RBFOX2: variants seen among roughly 807,000 people sequenced by gnomAD.
The protein encoded by RBFOX2 is RNA binding protein fox-1 homolog 2.
Under a neutral mutation model 49.1 loss-of-function variants are expected in RBFOX2, and 10 were observed. That is an observed-to-expected ratio of 0.20 (90% CI 0.13 to 0.35). The LOEUF (loss-of-function observed/expected upper bound fraction) is 0.35. Ranked by LOEUF, RBFOX2 falls within the 10% of genes least tolerant of loss-of-function variation. The pLI is 1.00. For missense variants in RBFOX2, 323 were observed against 486.9 expected (o/e 0.66, Z 3.17); for synonymous variants, 183 against 187.4 (o/e 0.98, Z 0.19).
At chr22:35,873,633 T>C (rs1014213982) in intron 1 of RBFOX2, among the ~76,000 whole-genome samples, 3 of 152,118 alleles carry the variant, frequency 2.0e-5, no homozygotes, top group Admixed American at 2.0e-4. Flanking sequence ...GTCAACTCTG[T>C]AGTTTGTTGT....
At chr22:35,750,036 C>CCTGGTATTA (rs1478182910) in intron 9 of RBFOX2, among the ~76,000 whole-genome samples, 1 of 152,152 alleles carries the variant, frequency 6.6e-6, no homozygotes, top group African/African-American at 2.4e-5. Flanking sequence ...GCCACAACGA[C>CCTGGTATTA]CTGGTATTAC....
intron 9 of RBFOX2, 127 bp from the exon 11 acceptor site, chr22:35,756,271 G>GTGTAGAGC: frequency 1.4e-6 from 1 of 719,366 alleles, no homozygotes; most frequent in South Asian, 5.9e-5. Flanking sequence ...ACATAACCTG[G>GTGTAGAGC]GCTTGGGGCC....
intron 1 of RBFOX2, among the ~76,000 whole-genome samples, chr22:35,849,546 T>C (rs2041662794): frequency 6.6e-6 from 1 of 152,110 alleles, no homozygotes; most frequent in Non-Finnish European, 1.5e-5. Flanking sequence ...TCAAACAGTA[T>C]CTAGAAATTA....
intron 1 of RBFOX2, among the ~76,000 whole-genome samples, chr22:36,019,130 T>G (rs1203101206): frequency 6.6e-6 from 1 of 152,158 alleles, no homozygotes; most frequent in Admixed American, 6.5e-5. Context: ...CATGTACCAC[T>G]AAAACAGCCA....
At chr22:35,943,413 T>G (rs1184560067), upstream of RBFOX2, among the ~76,000 whole-genome samples, 1 of 152,070 alleles carries the variant, frequency 6.6e-6, no homozygotes, top group Non-Finnish European at 1.5e-5. Flanking sequence ...ATTGGCCTAT[T>G]AAGAATGAAA....
chr22:35,894,139 A>C (rs2047563268), intron 1 of RBFOX2, among the ~76,000 whole-genome samples: 1 of 152,174 alleles, frequency 6.6e-6, no homozygotes, highest in African/African-American at 2.4e-5. Context: ...CTACAATGCT[A>C]CTATTGACGG....
intron 1 of RBFOX2, among the ~76,000 whole-genome samples, chr22:35,873,127 A>G (rs2044574540): frequency 1.3e-5 from 2 of 152,108 alleles, no homozygotes; most frequent in Non-Finnish European, 2.9e-5. Context: ...AAAATTTGTT[A>G]CTGAATTGGT....
rs180675772 is a variant in RBFOX2, at chr22:35,763,242, C to T, written c.608-1774G>A. ...ATAACCTTTTTCTTTCCTACCAATGCCACTATTGCCTGAGCATTCCCTTTA... is the reference window on the plus strand; with the variant it reads ...ATAACCTTTTTCTTTCCTACCAATGTCACTATTGCCTGAGCATTCCCTTTA... On this transcript the variant is annotated intron_variant, in intron 6 of 11. Transcript: ENST00000405409. Among the ~76,000 whole-genome samples, 12 of 152,260 alleles carry T rather than the reference C, an allele frequency of 7.9e-5. No homozygotes were observed. The East Asian group carries it at 1.7e-3, about 22-fold the overall frequency.
At chr22:35,944,408 A>G (rs552523572) in intron 1 of RBFOX2, among the ~76,000 whole-genome samples, 24 of 152,330 alleles carry the variant, frequency 1.6e-4, no homozygotes, top group Non-Finnish European at 2.4e-4. Flanking sequence ...ATTTTCCCAG[A>G]AAGAATACTG....
At chr22:35,898,441 T>TTC in intron 1 of RBFOX2, 1 of 442,034 alleles carries the variant, frequency 2.3e-6, no homozygotes, top group South Asian at 2.2e-5. Flanking sequence ...TTTTTTTTTT[T>TTC]CTGAGACAGG....
intron 1 of RBFOX2, among the ~76,000 whole-genome samples, chr22:35,951,875 A>AT (rs2054984445): frequency 6.6e-6 from 1 of 152,146 alleles, no homozygotes; most frequent in South Asian, 2.1e-4. Context: ...CTAAGAACAT[A>AT]TTTTTTAAAG....
At chr22:35,957,302 T>G (rs189792247) in intron 1 of RBFOX2, among the ~76,000 whole-genome samples, 259 of 152,228 alleles carry the variant, frequency 1.7e-3, no homozygotes, top group East Asian at 4.4e-3. Flanking sequence ...ACAATAATAA[T>G]AAGAAGAAAC....
chr22:35,915,614 C>G (rs1408341978), intron 1 of RBFOX2, among the ~76,000 whole-genome samples: 1 of 152,088 alleles, frequency 6.6e-6, no homozygotes, highest in Non-Finnish European at 1.5e-5. Flanking sequence ...TTTAAAGTCC[C>G]AATTATGTAA....
chr22:35,988,042 T>C (rs1223967507), intron 1 of RBFOX2, among the ~76,000 whole-genome samples: 1 of 152,178 alleles, frequency 6.6e-6, no homozygotes, highest in African/African-American at 2.4e-5. Context: ...GCAGCCAAGA[T>C]TAAGAAACAC....
At chr22:35,957,937 A>G (rs2055770175) in intron 1 of RBFOX2, among the ~76,000 whole-genome samples, 1 of 152,190 alleles carries the variant, frequency 6.6e-6, no homozygotes, top group South Asian at 2.1e-4. Flanking sequence ...TAAACTGAAG[A>G]CTTCACAAGC....
At chr22:36,001,294 G>C (rs148319608) in intron 1 of RBFOX2, among the ~76,000 whole-genome samples, 2 of 151,128 alleles carry the variant, frequency 1.3e-5, no homozygotes, top group East Asian at 3.9e-4. Context: ...AAAGACAAGT[G>C]ACAAGCTGAA....
intron 4 of RBFOX2, among the ~76,000 whole-genome samples, chr22:35,768,879 G>A (rs996595769): frequency 1.3e-5 from 2 of 152,096 alleles, no homozygotes; most frequent in South Asian, 2.1e-4. Flanking sequence ...TTAGCCCCAC[G>A]TTGCCTGTTG....
chr22:35,843,637 G>GA (rs2040797525), upstream of RBFOX2, among the ~76,000 whole-genome samples: 1 of 152,104 alleles, frequency 6.6e-6, no homozygotes, highest in Admixed American at 6.5e-5. Context: ...AACTTAAAAT[G>GA]ATACCAGTCT....
At chr22:35,819,661 T>C (rs1954005209) in intron 1 of RBFOX2, among the ~76,000 whole-genome samples, 2 of 152,220 alleles carry the variant, frequency 1.3e-5, no homozygotes, top group African/African-American at 4.8e-5. Flanking sequence ...GTATCTATCA[T>C]TCATCAGATA....
Sources: gnomAD v4.1 joint callset for allele counts (sites outside exome capture counted in the v4.1 genomes callset) on GRCh38, gnomAD v4.1.1 for gene constraint, MANE v1.5 for transcripts, NCBI Gene and HGNC (gene_info 2026-07-23, HGNC 2026-07-21) for gene names.